MCRIP1: variants seen among roughly 807,000 people sequenced by gnomAD.
MCRIP1 encodes the protein MAPK regulated corepressor interacting protein 1.
A neutral mutation model predicts 14.4 loss-of-function variants in MCRIP1; 10 were observed. That is an observed-to-expected ratio of 0.70 (90% CI 0.43 to 1.18). MCRIP1 has a LOEUF of 1.18. Among genes scored for constraint, MCRIP1 ranks in the 50% most tolerant of loss-of-function variants. MCRIP1 has a pLI of 0.00. For synonymous variants in MCRIP1, 53 were observed against 55.7 expected (o/e 0.95, Z 0.21); for missense variants, 119 against 135.4 (o/e 0.88, Z 0.60).
At position 81,831,114 on chromosome 17, in the gene MCRIP1, G is replaced by C. The variant is rs1490551383; in HGVS notation, c.-49+2124C>G. Among the ~76,000 whole-genome samples, 3 of 149,500 alleles carry C rather than the reference G, an allele frequency of 2.0e-5. No individual in the cohort carries two copies. The East Asian group carries it at 5.8e-4, about 29-fold the overall frequency. On this transcript the variant is annotated intron_variant, in intron 1 of 4. Coordinates refer to ENST00000455127, the MANE Select transcript of MCRIP1 (RefSeq NM_207368.5). ...TTGAACCCAGGAAGCAAAGGTTACA[G>C]TGAGCCGAGATTGTGCCACTGCACT...
At chr17:81,826,687 C>T (rs1441465430) in intron 1 of MCRIP1, 15 of 367,542 alleles carry the variant, frequency 4.1e-5, no homozygotes, top group South Asian at 1.4e-4. Flanking sequence ...GGCGTGGTGG[C>T]AGGCACCCGT....
intron 1 of MCRIP1, among the ~76,000 whole-genome samples, chr17:81,830,435 G>A (rs958179975): frequency 3.9e-5 from 6 of 151,992 alleles, no homozygotes; most frequent in Non-Finnish European, 8.8e-5. Context: ...TCAGGAGTTC[G>A]AGACCAGCCT....
chr17:81,823,418 G>C lies in MCRIP1; in HGVS notation c.223C>G (p.Leu75Val), dbSNP rs1166892191. Residue 75 changes from leucine to valine, a missense_variant, in exon 4 of 5, where the codon CTG (leucine) becomes GTG (valine). By Grantham distance (32) the Leu-to-Val change is conservative (BLOSUM62 1). Transcript: ENST00000455127. The surrounding 1 kb of genome is among the most constrained non-coding windows in gnomAD (Gnocchi z 6.0). ...EYVEKVPNPSLKTFKPIDLSD... is the reference protein window; with the variant it reads ...EYVEKVPNPSVKTFKPIDLSD... ...CAGGTCAGCCCCCACTCACTCTTCA[G>C]GCTGGGGTTAGGGACCTTCTCCACA... is the stretch of plus-strand genomic sequence containing the variant. 6.5e-7 allele frequency: 1 copy of C among 1,536,682 alleles called. No individual in the cohort carries two copies. The highest frequency in any genetic ancestry group is 8.7e-7 in the Non-Finnish European group (1 of 1,146,750).
chr17:81,825,145 G>A, intron 1 of MCRIP1: 2 of 1,037,584 alleles, frequency 1.9e-6, no homozygotes, highest in Non-Finnish European at 2.3e-6. Flanking sequence ...GTACCCTGGA[G>A]ATGGAACCAA....
Position 81,823,011 on chromosome 17 carries a change from G to T in MCRIP1, c.*236C>A, listed in dbSNP as rs2038301983. ...AAATGCAGCCAGGTGGCTGGGGGAG[G>T]GCAGGAGGGTGGGCAGGGCCCAGAC... On this transcript the variant is annotated 3_prime_UTR_variant, in exon 5 of 5. Transcript: ENST00000455127. The surrounding 1 kb of genome is among the most constrained non-coding windows in gnomAD (Gnocchi z 6.0). 4 of 600,536 alleles carry T rather than the reference G, an allele frequency of 6.7e-6. No individual in the cohort carries two copies. The East Asian group carries it at 1.1e-4, about 17-fold the overall frequency. 37.2% of individuals were successfully genotyped at this position (600,536 alleles called of 1,614,324 possible).
intron 1 of MCRIP1, chr17:81,825,903 G>A: frequency 7.7e-7 from 1 of 1,292,532 alleles, no homozygotes; most frequent in Non-Finnish European, 1.0e-6. Context: ...ACAGGGACAT[G>A]CTGCCTGCTG....
intron 1 of MCRIP1, among the ~76,000 whole-genome samples, chr17:81,832,351 GGCA>G (rs1189992742): frequency 6.6e-6 from 1 of 152,074 alleles, no homozygotes; most frequent in Non-Finnish European, 1.5e-5. Context: ...CCTGGGTGGT[GGCA>G]GCAACAGCCT....
intron 1 of MCRIP1, among the ~76,000 whole-genome samples, chr17:81,830,174 C>A (rs961778675): frequency 2.6e-5 from 4 of 152,172 alleles, no homozygotes; most frequent in Admixed American, 6.5e-5. Flanking sequence ...GCCTCAGCAT[C>A]CTCATTCAAA....
At chr17:81,831,540 A>G (rs2143265109) in intron 1 of MCRIP1, among the ~76,000 whole-genome samples, 1 of 152,278 alleles carries the variant, frequency 6.6e-6, no homozygotes, top group African/African-American at 2.4e-5. Context: ...GGGGACTGAA[A>G]GAAGAGACTG....
In MCRIP1 at chr17:81,831,537, G is replaced by T. The variant is rs959503637; in HGVS notation, c.-49+1701C>A. Among the ~76,000 whole-genome samples the T allele has an allele frequency of 2.2e-4, 33 of 152,234 alleles. 1 individual carries two copies. The highest frequency in any genetic ancestry group is 7.2e-4 in the African/African-American group (30 of 41,512). ...GAGGCCCAGAAAAGCACTGGGGACT[G>T]AAAGAAGAGACTGCCACCAGCCACA... is the stretch of plus-strand genomic sequence containing the variant. On this transcript the variant is annotated intron_variant, in intron 1 of 4. Coordinates refer to ENST00000455127, the MANE Select transcript of MCRIP1 (RefSeq NM_207368.5).
At chr17:81,826,843 GGCGTGGTGGCTCAC>G (rs2038412191) in intron 1 of MCRIP1, among the ~76,000 whole-genome samples, 1 of 143,032 alleles carries the variant, frequency 7.0e-6, no homozygotes, top group Admixed American at 7.1e-5. Context: ...AAAAAGGCCA[GGCGTGGTGGCTCAC>G]GCCTGTAATC....
rs543818341 is a variant in MCRIP1, at chr17:81,826,232, C to T, written c.-48-1678G>A. On this transcript the variant is annotated intron_variant, in intron 1 of 4. Coordinates refer to ENST00000455127, the MANE Select transcript of MCRIP1 (RefSeq NM_207368.5). ...GCTCCCTTTGCCTTGTGTGCACACA[C>T]ACACACACACACACACCTGCCCACA... 559 of 1,526,618 alleles carry T rather than the reference C, an allele frequency of 3.7e-4. 5 individuals are homozygous for T. The South Asian group carries it at 6.3e-3, about 17-fold the overall frequency. The allele number at this position is 1,526,618 out of a possible 1,614,324, so 94.6% of individuals were successfully genotyped here.
At chr17:81,832,459 T>C (rs1351691307) in intron 1 of MCRIP1, among the ~76,000 whole-genome samples, 1 of 152,170 alleles carries the variant, frequency 6.6e-6, no homozygotes, top group East Asian at 1.9e-4. Flanking sequence ...TTCCTTCACG[T>C]CCCACTTCCC....
Position 81,823,997 on chromosome 17 carries a change from GGAT to G in MCRIP1, c.127+287_127+289del, listed in dbSNP as rs2038329741. On this transcript the variant is annotated intron_variant, in intron 3 of 4. Coordinates refer to ENST00000455127, the MANE Select transcript of MCRIP1 (RefSeq NM_207368.5). This position sits in a 1 kb window ranked among gnomAD's most constrained non-coding sequence, Gnocchi z 6.0. ...CAAACTCCTCCAGTGCTGCTAGCAT[GGAT>G]GACTGGCTCCCAGTGCGGCCTCTAT... Among the ~76,000 whole-genome samples, 1 of 152,148 alleles carries G rather than the reference GGAT, an allele frequency of 6.6e-6. No individual in the cohort carries two copies. Among genetic ancestry groups the G allele is most frequent in the South Asian group, 2.1e-4 (1 of 4,830 alleles).
rs138557741 is a variant in MCRIP1 at position 81,828,071 on chromosome 17, C to T, written c.-48-3517G>A. Among the ~76,000 whole-genome samples, 35 of 152,164 alleles carry T rather than the reference C, an allele frequency of 2.3e-4. No homozygotes were observed. In the East Asian group the frequency reaches 6.6e-3, roughly 29 times the overall value. On this transcript the variant is annotated intron_variant, in intron 1 of 4. Transcript: ENST00000455127. ...CTGAGATTACAGGTGTGAGCTACCA[C>T]ACCCAGCTGCACCCATACAGTTTTT...
In MCRIP1 at chr17:81,823,766, A is replaced by AC. The variant is rs2038324176; in HGVS notation, c.128-254dup. 2 of 587,636 alleles carry AC rather than the reference A, an allele frequency of 3.4e-6. No individual in the cohort carries two copies. The highest frequency in any genetic ancestry group is 4.1e-5 in the South Asian group (2 of 48,424). 36.4% of individuals were successfully genotyped at this position (587,636 alleles called of 1,614,324 possible). A position where few individuals can be genotyped will look rare whatever the true frequency, so the allele number is the denominator to read the frequency against. The stretch of plus-strand genomic sequence containing the variant: ...TGGTCAGAGGGACCCCTATGACCCT[A>AC]CCCCAGGCTTCCCTGCGCCTCGGAG... On this transcript the variant is annotated intron_variant, in intron 3 of 4. Transcript: ENST00000455127. The surrounding 1 kb of genome is among the most constrained non-coding windows in gnomAD (Gnocchi z 6.0).
Position 81,823,545 on chromosome 17 carries a change from C to A in MCRIP1, c.128-32G>T. ...AGGCAGAGAGTGGTGTGCTCAGGGC[C>A]CCCTGCCCCAGGGGGTGGCATCCAC... On this transcript the variant is annotated intron_variant, in intron 3 of 4. Coordinates refer to ENST00000455127, the MANE Select transcript of MCRIP1 (RefSeq NM_207368.5). The surrounding 1 kb of genome is among the most constrained non-coding windows in gnomAD (Gnocchi z 6.0). The A allele has an allele frequency of 6.6e-7, 1 of 1,525,566 alleles. No individual in the cohort carries two copies. The highest frequency in any genetic ancestry group is 8.8e-7 in the Non-Finnish European group (1 of 1,138,138). The allele number at this position is 1,525,566 out of a possible 1,614,324, so 94.5% of individuals were successfully genotyped here.
chr17:81,827,323 G>C (rs2038428045), intron 1 of MCRIP1, among the ~76,000 whole-genome samples: 1 of 151,452 alleles, frequency 6.6e-6, no homozygotes, highest in Non-Finnish European at 1.5e-5. Flanking sequence ...CCAGGCTGGA[G>C]TGCAGTGGCG....
Position 81,825,938 on chromosome 17 carries a change from C to T in MCRIP1, c.-48-1384G>A, listed in dbSNP as rs1302532616. 4 of 1,301,076 alleles carry T rather than the reference C, an allele frequency of 3.1e-6. No homozygotes were observed. In the Admixed American group the frequency reaches 6.8e-5, roughly 22 times the overall value. 80.6% of individuals were successfully genotyped at this position (1,301,076 alleles called of 1,614,324 possible). A position where few individuals can be genotyped will look rare whatever the true frequency, so the allele number is the denominator to read the frequency against. On this transcript the variant is annotated intron_variant, in intron 1 of 4. Transcript: ENST00000455127. ...GGGAAGCTCCCGTTACAGAGAAAGG[C>T]AGAGCTCAGGTAACAGGTAGACTGG...
Sources: allele counts gnomAD v4.1 joint callset (sites outside exome capture counted in the v4.1 genomes callset), GRCh38; gene constraint gnomAD v4.1.1; non-coding constraint Gnocchi (gnomAD v3.1); transcripts MANE v1.5; gene names NCBI Gene and HGNC (gene_info 2026-07-23, HGNC 2026-07-21).